The following GALK2 variants were observed in gnomAD, a reference collection of about 807,000 sequenced individuals.
The protein encoded by GALK2 is galactokinase 2.
A neutral mutation model predicts 52.4 loss-of-function variants in GALK2; 36 were observed. That is an observed-to-expected ratio of 0.69 (90% CI 0.53 to 0.91). The LOEUF (loss-of-function observed/expected upper bound fraction) is 0.91, where lower values mean the gene tolerates loss of function less well. GALK2 is among the 40% of genes least tolerant of loss of function. GALK2 has a pLI of 0.00. For missense variants in GALK2, 579 were observed against 559.1 expected, an observed-to-expected ratio of 1.04 and a Z score of -0.36; for synonymous variants, 176 against 199.1, an observed-to-expected ratio of 0.88 and a Z score of 0.98.
At chr15:49,244,467 A>G (rs1373361450) in intron 5 of GALK2, among the ~76,000 whole-genome samples, 1 of 152,212 alleles carries the variant, frequency 6.6e-6, no homozygotes, top group Non-Finnish European at 1.5e-5. Context: ...AATGTAAATT[A>G]ATTTCTCAAA....
At chr15:49,274,599 C>T (rs1486379076) in intron 5 of GALK2, among the ~76,000 whole-genome samples, 1 of 152,046 alleles carries the variant, frequency 6.6e-6, no homozygotes, top group Non-Finnish European at 1.5e-5. Context: ...ATAAACTAAC[C>T]TTAGCTTGCT....
chr15:49,183,161 A>G (rs1047723905), intron 1 of GALK2, among the ~76,000 whole-genome samples: 3 of 151,860 alleles, frequency 2.0e-5, no homozygotes, highest in Admixed American at 6.6e-5. Context: ...CTTTAATTTC[A>G]TTTATTTCTG....
At position 49,306,799 on chromosome 15, in the gene GALK2, TG is replaced by T. The variant is rs550627587; in HGVS notation, c.968-12803del. Among the ~76,000 whole-genome samples, 855 of 152,336 alleles carry T rather than the reference TG, an allele frequency of 5.6e-3. 6 individuals carry two copies. Among genetic ancestry groups the T allele is most frequent in the African/African-American group, 0.02 (813 of 41,578 alleles). On this transcript the variant is annotated intron_variant, in intron 8 of 9. Transcript: ENST00000560031. ...CAAGAATGAAGTTTTAGGGAAGTTC[TG>T]GAAAATTAATGGGAAAGTAATTCCC...
At chr15:49,347,273 G>T (rs1221359799) in intron 3 of GALK2, among the ~76,000 whole-genome samples, 1 of 152,106 alleles carries the variant, frequency 6.6e-6, no homozygotes, top group Non-Finnish European at 1.5e-5. Flanking sequence ...TTGCCCTTAA[G>T]AAATTAGTAA....
At chr15:49,203,989 C>A (rs949913194) in intron 2 of GALK2, among the ~76,000 whole-genome samples, 3 of 151,932 alleles carry the variant, frequency 2.0e-5, no homozygotes, top group Non-Finnish European at 4.4e-5. Context: ...GTGGCACACA[C>A]CTGTAATCCC....
At chr15:49,294,087 C>CAAATAAATAAATAAAT (rs201999229) in intron 8 of GALK2, among the ~76,000 whole-genome samples, 45 of 131,056 alleles carry the variant, frequency 3.4e-4, no homozygotes, top group Non-Finnish European at 5.1e-4. Flanking sequence ...GACCCTGTCT[C>CAAATAAATAAATAAAT]AAATAAATAA....
chr15:49,234,694 C>G (rs973249921), intron 3 of GALK2, among the ~76,000 whole-genome samples: 8 of 152,144 alleles, frequency 5.3e-5, no homozygotes, highest in African/African-American at 1.9e-4. Context: ...AGGTCCCTCC[C>G]ACAACGTGTG....
At chr15:49,345,138 GATGT>G (rs889946117) in intron 3 of GALK2, among the ~76,000 whole-genome samples, 1 of 152,142 alleles carries the variant, frequency 6.6e-6, no homozygotes, top group Non-Finnish European at 1.5e-5. Flanking sequence ...TGAGGGAGGT[GATGT>G]ATTTGTCACT....
chr15:49,157,609 GA>G (rs2084504067), intron 1 of GALK2, among the ~76,000 whole-genome samples: 1 of 152,118 alleles, frequency 6.6e-6, no homozygotes, highest in Admixed American at 6.5e-5. Flanking sequence ...CATGGAACTA[GA>G]AAAATTTAAA....
intron 2 of GALK2, among the ~76,000 whole-genome samples, chr15:49,202,769 AG>A (rs2087894065): frequency 6.6e-6 from 1 of 152,096 alleles, no homozygotes; most frequent in South Asian, 2.1e-4. Flanking sequence ...TTTTTTGAGG[AG>A]CCTTCATACT....
chr15:49,299,215 C>T (rs773537092), intron 8 of GALK2, among the ~76,000 whole-genome samples: 1 of 152,068 alleles, frequency 6.6e-6, no homozygotes, highest in Non-Finnish European at 1.5e-5. Flanking sequence ...TTTTGTATTT[C>T]TCTGAGGTCA....
intron 5 of GALK2, among the ~76,000 whole-genome samples, chr15:49,262,019 C>G (rs1348238132): frequency 6.6e-6 from 1 of 152,114 alleles, no homozygotes; most frequent in Non-Finnish European, 1.5e-5. Context: ...GGATATTGGT[C>G]TAAAATTCTC....
chr15:49,184,192 T>G (rs1359106098), intron 1 of GALK2, among the ~76,000 whole-genome samples: 1 of 152,190 alleles, frequency 6.6e-6, no homozygotes, highest in African/African-American at 2.4e-5. Flanking sequence ...ATTCTCTTGC[T>G]GAATTGACCC....
intron 7 of GALK2, among the ~76,000 whole-genome samples, chr15:49,287,935 T>C (rs1385220303): frequency 7.9e-6 from 1 of 126,388 alleles, no homozygotes; most frequent in Non-Finnish European, 1.7e-5. Context: ...TTCTTTCTCA[T>C]CTTGTTTCTC....
chr15:49,242,022 GT>G (rs947571648), intron 5 of GALK2, among the ~76,000 whole-genome samples: 35 of 147,484 alleles, frequency 2.4e-4, no homozygotes, highest in East Asian at 7.9e-4. Flanking sequence ...TATTTGGAGA[GT>G]TTTTTTTTTT....
At chr15:49,318,370 T>C (rs2036594452) in intron 8 of GALK2, among the ~76,000 whole-genome samples, 1 of 152,170 alleles carries the variant, frequency 6.6e-6, no homozygotes, top group Non-Finnish European at 1.5e-5. Context: ...ATAACTAATA[T>C]TAACATTTTC....
chr15:49,363,167 T>C (rs2044543550), intron 3 of GALK2, among the ~76,000 whole-genome samples: 1 of 152,188 alleles, frequency 6.6e-6, no homozygotes, highest in African/African-American at 2.4e-5. Context: ...AAGAATGTCA[T>C]TGGTAGTTTG....
chr15:49,340,323 G>A (rs1053492276), intron 3 of GALK2, among the ~76,000 whole-genome samples: 4 of 152,154 alleles, frequency 2.6e-5, no homozygotes, highest in East Asian at 3.9e-4. Flanking sequence ...TGGAGTACAC[G>A]GTACAGTCCC....
chr15:49,193,082 C>T (rs985826301), intron 1 of GALK2, among the ~76,000 whole-genome samples: 1 of 151,284 alleles, frequency 6.6e-6, no homozygotes, highest in Non-Finnish European at 1.5e-5. Context: ...ACTGTAACCT[C>T]CACCTCCGGG....
Sources: allele counts gnomAD v4.1 joint callset (sites outside exome capture counted in the v4.1 genomes callset), GRCh38; gene constraint gnomAD v4.1.1; transcripts MANE v1.5; gene names NCBI Gene and HGNC (gene_info 2026-07-23, HGNC 2026-07-21).